Variants in OPCML observed in about 807,000 individuals in gnomAD.
The protein encoded by OPCML is opioid binding protein/cell adhesion molecule like.
A neutral mutation model predicts 37.8 loss-of-function variants in OPCML; 13 were observed. That is an observed-to-expected ratio of 0.34 (90% CI 0.22 to 0.55). OPCML has a LOEUF of 0.55. Ranked by LOEUF, OPCML falls within the 20% of genes least tolerant of loss-of-function variation. The pLI is 0.91. For synonymous variants in OPCML, 176 were observed against 168.8 expected (o/e 1.04, Z -0.33); for missense variants, 341 against 435.6 (o/e 0.78, Z 1.93).
chr11:133,284,955 G>GT (rs1942257772), intron 1 of OPCML, among the ~76,000 whole-genome samples: 2 of 152,202 alleles, frequency 1.3e-5, no homozygotes, highest in East Asian at 1.9e-4. Context: ...TCTGGGGGCA[G>GT]TGGGGGTGGG....
intron 3 of OPCML, among the ~76,000 whole-genome samples, chr11:132,538,621 G>A (rs2096347135): frequency 6.6e-6 from 1 of 152,224 alleles, no homozygotes; most frequent in East Asian, 1.9e-4. Context: ...TCTCTTATGA[G>A]GTCTTGTATT....
At chr11:132,673,336 A>T (rs939270142) in intron 2 of OPCML, among the ~76,000 whole-genome samples, 2 of 152,168 alleles carry the variant, frequency 1.3e-5, no homozygotes. Context: ...AACAGAGAAA[A>T]ATAGATCACA....
At chr11:133,338,889 T>G (rs80270024) in intron 1 of OPCML, among the ~76,000 whole-genome samples, 1,564 of 152,286 alleles carry the variant, frequency 0.01, 27 homozygotes, top group African/African-American at 0.035. Flanking sequence ...AAGAGCTGGC[T>G]TTTCTCAAGA....
chr11:132,917,149 G>A (rs1158156428), intron 2 of OPCML, among the ~76,000 whole-genome samples: 2 of 152,086 alleles, frequency 1.3e-5, no homozygotes, highest in Admixed American at 6.5e-5. Context: ...AATACCGTAC[G>A]CTCTAGTCCA....
At chr11:133,092,980 AC>A (rs1018579051) in intron 1 of OPCML, among the ~76,000 whole-genome samples, 1 of 151,916 alleles carries the variant, frequency 6.6e-6, no homozygotes, top group African/African-American at 2.4e-5. Flanking sequence ...CATCTAATAA[AC>A]CCCACTATTT....
At chr11:133,013,660 A>T (rs1477143631) in intron 1 of OPCML, among the ~76,000 whole-genome samples, 2 of 152,210 alleles carry the variant, frequency 1.3e-5, no homozygotes, top group Non-Finnish European at 1.5e-5. Context: ...TCATAACGCC[A>T]CACTCAACAG....
intron 4 of OPCML, among the ~76,000 whole-genome samples, chr11:132,448,933 A>G (rs2096062000): frequency 6.6e-6 from 1 of 152,230 alleles, no homozygotes; most frequent in African/African-American, 2.4e-5. Flanking sequence ...TTAATGTTTT[A>G]TAACCTTTCA....
chr11:132,876,314 C>T (rs768451709), intron 2 of OPCML, among the ~76,000 whole-genome samples: 3 of 152,178 alleles, frequency 2.0e-5, no homozygotes, highest in Non-Finnish European at 4.4e-5. Context: ...CATGCACAAC[C>T]TCTGAAGTAT....
rs1043876091 is a variant in OPCML at position 132,562,029 on chromosome 11, G to A, written c.380-32843C>T. On this transcript the variant is annotated intron_variant, in intron 3 of 7. Transcript: ENST00000524381. ...AGGGTTAAAGATAATTCTTGAAGGA[G>A]TTTGCAGTAAATTTCCTTTCTCCCT... Among the ~76,000 whole-genome samples the A allele has an allele frequency of 2.0e-5, 3 of 152,144 alleles. No individual in the cohort carries two copies. In the East Asian group the frequency reaches 5.8e-4, roughly 29 times the overall value.
At chr11:133,531,368 G>A (rs1358236289) in intron 1 of OPCML, among the ~76,000 whole-genome samples, 2 of 152,212 alleles carry the variant, frequency 1.3e-5, no homozygotes. Context: ...TAACTGCTGT[G>A]AGAGGTGGGA....
intron 1 of OPCML, among the ~76,000 whole-genome samples, chr11:132,986,282 AT>A (rs530646910): frequency 6.5e-4 from 99 of 151,824 alleles, no homozygotes; most frequent in East Asian, 4.3e-3. Flanking sequence ...AAATATCTCA[AT>A]TTTTTTTTAC....
At chr11:132,748,879 G>A (rs185403072) in intron 2 of OPCML, among the ~76,000 whole-genome samples, 1 of 152,184 alleles carries the variant, frequency 6.6e-6, no homozygotes, top group Admixed American at 6.5e-5. Context: ...TGAGGTGAAG[G>A]AGCTCCATGT....
intron 2 of OPCML, among the ~76,000 whole-genome samples, chr11:132,904,919 A>G (rs1944183160): frequency 6.6e-6 from 1 of 152,230 alleles, no homozygotes; most frequent in African/African-American, 2.4e-5. Flanking sequence ...TCAATGTTCA[A>G]CAATAAAACG....
intron 2 of OPCML, among the ~76,000 whole-genome samples, chr11:132,705,552 A>G (rs550300887): frequency 5.3e-4 from 81 of 152,218 alleles, no homozygotes; most frequent in African/African-American, 1.9e-3. Context: ...CAGATTTGCC[A>G]CTGCACACCA....
rs774452042 is a variant in OPCML at position 133,205,440 on chromosome 11, G to A, written c.62-262430C>T. Among the ~76,000 whole-genome samples, 1 of 152,060 alleles carries A rather than the reference G, an allele frequency of 6.6e-6. No individual in the cohort carries two copies. On this transcript the variant is annotated intron_variant, in intron 1 of 7. Transcript: ENST00000524381. The surrounding 1 kb of genome is among the most constrained non-coding windows in gnomAD (Gnocchi z 4.8). ...TAGTAAATGAATTAAACCTGAAGAGGTGGGGGCTGGGAACGCTGATCAGCA... is the reference window on the plus strand; with the variant it reads ...TAGTAAATGAATTAAACCTGAAGAGATGGGGGCTGGGAACGCTGATCAGCA...
chr11:133,091,350 G>GT (rs1389128457), intron 1 of OPCML, among the ~76,000 whole-genome samples: 4 of 152,222 alleles, frequency 2.6e-5, no homozygotes, highest in African/African-American at 9.6e-5. Context: ...AGAGCCACGT[G>GT]TAGTGGAGCT....
chr11:133,214,047 T>C (rs1939485090), intron 1 of OPCML, among the ~76,000 whole-genome samples: 2 of 152,294 alleles, frequency 1.3e-5, no homozygotes, highest in South Asian at 2.1e-4. Flanking sequence ...CAATATTTGT[T>C]TTTATAATAT....
chr11:133,026,400 T>C (rs938549526), intron 1 of OPCML: 48 of 985,332 alleles, frequency 4.9e-5, no homozygotes, highest in Admixed American at 6.1e-5. Flanking sequence ...GCACCTTGCC[T>C]GCCTCTTCTT....
chr11:132,955,606 G>A (rs7107796), intron 1 of OPCML, among the ~76,000 whole-genome samples: 78,051 of 151,948 alleles, frequency 0.51, 20,259 homozygotes, highest in East Asian at 0.72. Flanking sequence ...GAATCTGGCT[G>A]GGCGCGGTGG....
Sources: allele counts gnomAD v4.1 joint callset (sites outside exome capture counted in the v4.1 genomes callset), GRCh38; gene constraint gnomAD v4.1.1; non-coding constraint Gnocchi (gnomAD v3.1); transcripts MANE v1.5; gene names NCBI Gene and HGNC (gene_info 2026-07-23, HGNC 2026-07-21).